TP53BP1: variants seen among roughly 807,000 people sequenced by gnomAD.
TP53BP1 encodes the protein TP53-binding protein 1.
A neutral mutation model predicts 200.8 loss-of-function variants in TP53BP1; 61 were observed. The ratio of observed to expected loss-of-function variants is 0.30; its 90% CI spans 0.25 to 0.38. The LOEUF (loss-of-function observed/expected upper bound fraction) is 0.38, where lower values mean the gene tolerates loss of function less well. Ranked by LOEUF, TP53BP1 falls within the 10% of genes least tolerant of loss-of-function variation. The pLI, the probability that TP53BP1 is intolerant of heterozygous loss-of-function variation, is 1.00. For missense variants in TP53BP1, 2,144 were observed against 2,371.9 expected (o/e 0.90, Z 2.00); for synonymous variants, 822 against 844.3 (o/e 0.97, Z 0.46).
At chr15:43,414,862 CT>C (rs562687206) in intron 23 of TP53BP1, among the ~76,000 whole-genome samples, 82 of 152,120 alleles carry the variant, frequency 5.4e-4, no homozygotes, top group African/African-American at 1.5e-3. Flanking sequence ...TGTGCCACCA[CT>C]CATAGCTACT....
chr15:43,478,758 C>G (rs916422814), intron 7 of TP53BP1, among the ~76,000 whole-genome samples: 1 of 152,154 alleles, frequency 6.6e-6, no homozygotes, highest in Non-Finnish European at 1.5e-5. Flanking sequence ...AGTATAGAAA[C>G]AGTAGGCTTT....
In TP53BP1 at chr15:43,492,341, G is replaced by A. The variant is rs892743216; in HGVS notation, c.135C>T (p.Phe45=). Residue 45 remains phenylalanine, a synonymous_variant, in exon 2 of 28, where the codon TTC becomes TTT. Coordinates refer to ENST00000382044, the MANE Select transcript of TP53BP1 (RefSeq NM_001141980.3). ...TAGGAAGGTGTCGAGATAGCATACT[G>A]AAGTGAGAACCAGAATCATCCTCTA... ...QVLEDDSGSH[F]SMLSRHLPNL... 3.7e-6 allele frequency: 6 copies of A among 1,614,022 alleles called. No homozygotes were observed. Among genetic ancestry groups the A allele is most frequent in the African/African-American group, 2.7e-5 (2 of 74,898 alleles).
intron 23 of TP53BP1, 49 bp from the exon 24 acceptor site, chr15:43,413,383 CA>C: frequency 6.6e-7 from 1 of 1,519,702 alleles, no homozygotes; most frequent in Non-Finnish European, 9.0e-7. Flanking sequence ...ACCATTGCCT[CA>C]GCAAAAGCCT....
intron 14 of TP53BP1, among the ~76,000 whole-genome samples, chr15:43,445,415 C>G (rs888311064): frequency 6.6e-6 from 1 of 152,172 alleles, no homozygotes; most frequent in Non-Finnish European, 1.5e-5. Context: ...TCTCTCTGAA[C>G]GTTCCTTTAT....
In TP53BP1 at chr15:43,470,079, A is replaced by G. The variant is rs1242098840; in HGVS notation, c.1181-13T>C. 1.2e-6 allele frequency: 2 copies of G among 1,603,066 alleles called. No homozygotes were observed. Among genetic ancestry groups the G allele is most frequent in the Admixed American group, 3.3e-5 (2 of 59,920 alleles). ...TCCATTGGCTTATCTGGTTTAAAAC[A>G]GGAGAAACAAATTGAGAAATATCAC... On this transcript the variant is annotated splice_polypyrimidine_tract_variant and intron_variant, in intron 10 of 27. Transcript: ENST00000382044.
At chr15:43,488,522 G>A (rs59083674) in intron 4 of TP53BP1, among the ~76,000 whole-genome samples, 5,317 of 152,198 alleles carry the variant, frequency 0.035, 301 homozygotes, top group African/African-American at 0.12. Flanking sequence ...CTACGCAGGT[G>A]ATAAAACTAT....
At chr15:43,412,230 T>C (rs1245786144) in intron 24 of TP53BP1, among the ~76,000 whole-genome samples, 1 of 152,194 alleles carries the variant, frequency 6.6e-6, no homozygotes, top group Non-Finnish European at 1.5e-5. Context: ...TTTTGGTTAA[T>C]TAGGAAAGAG....
Position 43,421,848 on chromosome 15 carries a change from T to C in TP53BP1, c.4100+7A>G. The C allele has an allele frequency of 6.2e-7, 1 of 1,614,140 alleles. No individual in the cohort carries two copies. The highest frequency in any genetic ancestry group is 1.1e-5 in the South Asian group (1 of 91,076). On this transcript the variant is annotated splice_region_variant and intron_variant, in intron 19 of 27. Coordinates refer to ENST00000382044, the MANE Select transcript of TP53BP1 (RefSeq NM_001141980.3). Reference sequence around the variant, plus strand: ...TGGCTCTCTCTCTCTGGAGACCCTGTCTGCACCTCAGTTTTCCTGGGCCTC... The same window carrying C: ...TGGCTCTCTCTCTCTGGAGACCCTGCCTGCACCTCAGTTTTCCTGGGCCTC...
intron 8 of TP53BP1, 28 bp downstream of exon 8, chr15:43,477,565 A>G (rs2078902332): frequency 6.3e-7 from 1 of 1,579,334 alleles, no homozygotes; most frequent in Non-Finnish European, 8.6e-7. Context: ...TTTGGAGAAG[A>G]GCTGTAACGA....
In TP53BP1 at chr15:43,407,036, ACC is replaced by A. The variant is rs1273816020; in HGVS notation, c.*345_*346del. 4.1e-6 allele frequency: 1 copy of A among 245,670 alleles called. No homozygotes were observed. The highest frequency in any genetic ancestry group is 2.3e-5 in the African/African-American group (1 of 44,282). The allele number at this position is 245,670 out of a possible 1,614,324, so 15.2% of individuals were successfully genotyped here. Reference sequence around the variant, plus strand: ...TTTCTGCAAGCATAGCATTTTAGACACCCTGGAATAACCTTTTGGGAATGATG... The same window carrying A: ...TTTCTGCAAGCATAGCATTTTAGACACTGGAATAACCTTTTGGGAATGATG... On this transcript the variant is annotated 3_prime_UTR_variant, in exon 28 of 28. Coordinates refer to ENST00000382044, the MANE Select transcript of TP53BP1 (RefSeq NM_001141980.3).
intron 1 of TP53BP1, among the ~76,000 whole-genome samples, chr15:43,508,131 G>A (rs2079248348): frequency 1.3e-5 from 2 of 152,250 alleles, no homozygotes; most frequent in South Asian, 2.1e-4. Context: ...GGAGGCCGAG[G>A]TAGGTGGATC....
In TP53BP1 at chr15:43,405,154, G is replaced by T. The variant is rs1179839976; in HGVS notation, c.*2229C>A. On this transcript the variant is annotated 3_prime_UTR_variant, in exon 28 of 28. Coordinates refer to ENST00000382044, the MANE Select transcript of TP53BP1 (RefSeq NM_001141980.3). ...CCTGATTCATATTTCTTTGAAGGTA[G>T]TCTTGGGAAAGCATGACACTTAATA... 9.3e-6 allele frequency: 15 copies of T among 1,610,014 alleles called. No homozygotes were observed. The highest frequency in any genetic ancestry group is 3.3e-5 in the Admixed American group (2 of 59,882).
At chr15:43,473,254 G>C (rs1002947656) in intron 10 of TP53BP1, among the ~76,000 whole-genome samples, 1 of 152,116 alleles carries the variant, frequency 6.6e-6, no homozygotes, top group African/African-American at 2.4e-5. Flanking sequence ...AAGGGGACCC[G>C]AGCGGGTTGC....
chr15:43,502,822 C>T (rs1464687091), intron 1 of TP53BP1, among the ~76,000 whole-genome samples: 1 of 151,666 alleles, frequency 6.6e-6, no homozygotes, highest in Admixed American at 6.6e-5. Context: ...ATGGCATGAT[C>T]TCAGCTCACT....
In TP53BP1 at chr15:43,479,777, A is replaced by C. The variant is rs564007753; in HGVS notation, c.658+82T>G. 1.1e-5 allele frequency: 17 copies of C among 1,532,640 alleles called. No homozygotes were observed. In the African/African-American group the frequency reaches 2.2e-4, roughly 20 times the overall value. The allele number at this position is 1,532,640 out of a possible 1,614,324, so 94.9% of individuals were successfully genotyped here. ...AGATTATATTAATTTGGATAGCTGC[A>C]AAACTTATCAAAGAAAAAATAACTA... On this transcript the variant is annotated intron_variant, in intron 6 of 27. Transcript: ENST00000382044.
intron 12 of TP53BP1, among the ~76,000 whole-genome samples, chr15:43,450,085 G>T (rs999476744): frequency 3.3e-5 from 5 of 152,058 alleles, no homozygotes; most frequent in Non-Finnish European, 5.9e-5. Context: ...TGTTTTTCCA[G>T]ATAATCATGG....
intron 5 of TP53BP1, 86 bp from the exon 6 acceptor site, chr15:43,480,103 G>A (rs992834876): frequency 3.5e-5 from 45 of 1,284,136 alleles, no homozygotes; most frequent in East Asian, 1.0e-4. Context: ...GGAGGGTCCC[G>A]TTAAGTCCTT....
intron 18 of TP53BP1, among the ~76,000 whole-genome samples, chr15:43,427,136 T>G (rs547209512): frequency 7.0e-4 from 106 of 152,038 alleles, no homozygotes; most frequent in Non-Finnish European, 1.3e-3. Flanking sequence ...ATCTGTCTAA[T>G]CTCTCTCATT....
At chr15:43,458,564 A>G (rs2245176) in intron 11 of TP53BP1, among the ~76,000 whole-genome samples, 42,847 of 151,904 alleles carry the variant, frequency 0.28, 10,238 homozygotes, top group African/African-American at 0.65. Context: ...AAAACTGCTT[A>G]AGCCCAGGAG....
Sources: allele counts gnomAD v4.1 joint callset (sites outside exome capture counted in the v4.1 genomes callset), GRCh38; gene constraint gnomAD v4.1.1; transcripts MANE v1.5; gene names NCBI Gene and HGNC (gene_info 2026-07-23, HGNC 2026-07-21).